The following CDH13 variants were observed in gnomAD, a reference collection of about 807,000 sequenced individuals.
The protein encoded by CDH13 is cadherin-13.
In CDH13, 24 loss-of-function variants were observed where a neutral mutation model predicts 63.8. The observed-to-expected ratio is 0.38, with a 90% confidence interval of 0.27 to 0.53. The LOEUF is 0.53. Ranked by LOEUF, CDH13 falls within the 20% of genes least tolerant of loss-of-function variation. The pLI, the probability that CDH13 is intolerant of heterozygous loss-of-function variation, is 0.85. For synonymous variants in CDH13, 503 were observed against 355.3 expected, an observed-to-expected ratio of 1.42 and a Z score of -4.67; for missense variants, 1,049 against 903.1, an observed-to-expected ratio of 1.16 and a Z score of -2.07.
intron 7 of CDH13, among the ~76,000 whole-genome samples, chr16:83,531,426 A>G (rs2151633149): frequency 6.6e-6 from 1 of 152,342 alleles, no homozygotes; most frequent in Non-Finnish European, 1.5e-5. Context: ...ACACAGCAAC[A>G]GAGACTTTGC....
intron 1 of CDH13, among the ~76,000 whole-genome samples, chr16:82,834,181 TTTC>T (rs2038665961): frequency 6.6e-6 from 1 of 152,210 alleles, no homozygotes; most frequent in African/African-American, 2.4e-5. Flanking sequence ...GGGAGATCCA[TTTC>T]TTCTCACCAG....
intron 1 of CDH13, among the ~76,000 whole-genome samples, chr16:82,673,456 T>A (rs1341825971): frequency 6.6e-6 from 1 of 152,142 alleles, no homozygotes; most frequent in African/African-American, 2.4e-5. Flanking sequence ...AACAAACGTT[T>A]ATTGAGCACT....
At chr16:82,633,032 G>A (rs1446670842) in intron 1 of CDH13, among the ~76,000 whole-genome samples, 8 of 152,268 alleles carry the variant, frequency 5.3e-5, no homozygotes, top group African/African-American at 1.4e-4. Flanking sequence ...GCGGTAATGC[G>A]AGTGCTGGGG....
intron 6 of CDH13, among the ~76,000 whole-genome samples, chr16:83,363,209 C>T (rs1036898795): frequency 2.6e-5 from 4 of 152,130 alleles, no homozygotes; most frequent in Non-Finnish European, 5.9e-5. Context: ...TGATTTTCCT[C>T]GTATTTCTAG....
At chr16:83,361,708 A>G (rs1023120120) in intron 6 of CDH13, among the ~76,000 whole-genome samples, 2 of 152,006 alleles carry the variant, frequency 1.3e-5, no homozygotes, top group African/African-American at 2.4e-5. Context: ...GCTTATTTGT[A>G]TCGGCTTTGT....
intron 4 of CDH13, among the ~76,000 whole-genome samples, chr16:83,173,251 C>G (rs558205189): frequency 1.3e-5 from 2 of 152,110 alleles, no homozygotes; most frequent in Admixed American, 1.3e-4. Context: ...TGAACTCAGG[C>G]AGTCTGACCC....
intron 1 of CDH13, among the ~76,000 whole-genome samples, chr16:82,710,185 A>T (rs1209101300): frequency 6.9e-6 from 1 of 144,770 alleles, no homozygotes; most frequent in Non-Finnish European, 1.5e-5. Context: ...TTTATAAATT[A>T]AATTTATTAT....
intron 2 of CDH13, among the ~76,000 whole-genome samples, chr16:82,903,416 T>C (rs966210342): frequency 6.6e-6 from 1 of 152,224 alleles, no homozygotes; most frequent in Non-Finnish European, 1.5e-5. Flanking sequence ...CGCAGTGGAC[T>C]TGCTCACACA....
chr16:82,791,579 G>A (rs977096431), intron 1 of CDH13, among the ~76,000 whole-genome samples: 1 of 152,174 alleles, frequency 6.6e-6, no homozygotes, highest in South Asian at 2.1e-4. Flanking sequence ...TAGGGCTTGA[G>A]CTGAGCTTTC....
At chr16:83,399,654 T>C (rs1189348776) in intron 6 of CDH13, among the ~76,000 whole-genome samples, 2 of 152,194 alleles carry the variant, frequency 1.3e-5, no homozygotes, top group Admixed American at 6.5e-5. Flanking sequence ...TAAAAGGCCA[T>C]GCAGCTTTCT....
chr16:82,892,921 C>T (rs2041130268), intron 2 of CDH13, among the ~76,000 whole-genome samples: 1 of 152,150 alleles, frequency 6.6e-6, no homozygotes, highest in Admixed American at 6.5e-5. Flanking sequence ...AATCCCTAAA[C>T]ACATTTTGAC....
intron 1 of CDH13, among the ~76,000 whole-genome samples, chr16:82,659,328 T>G (rs1001679005): frequency 8.5e-5 from 13 of 152,110 alleles, no homozygotes; most frequent in African/African-American, 3.1e-4. Context: ...CACACATGAA[T>G]AGGTATAGGT....
chr16:83,325,157 A>G (rs1209990108), intron 5 of CDH13, among the ~76,000 whole-genome samples: 1 of 152,210 alleles, frequency 6.6e-6, no homozygotes, highest in Non-Finnish European at 1.5e-5. Context: ...ATTCTTCTTT[A>G]ATCCCACTAA....
At chr16:82,853,443 C>T (rs2039572189) in intron 1 of CDH13, among the ~76,000 whole-genome samples, 1 of 152,312 alleles carries the variant, frequency 6.6e-6, no homozygotes, top group South Asian at 2.1e-4. Context: ...TGAGCAAGTA[C>T]TATGTACCAG....
intron 2 of CDH13, among the ~76,000 whole-genome samples, chr16:83,001,769 G>C (rs1912961415): frequency 6.6e-6 from 1 of 152,216 alleles, no homozygotes; most frequent in Non-Finnish European, 1.5e-5. Flanking sequence ...ATGTCAATGA[G>C]TCCTGTCCAG....
At chr16:83,547,639 T>A (rs984106383) in intron 7 of CDH13, among the ~76,000 whole-genome samples, 52 of 152,258 alleles carry the variant, frequency 3.4e-4, no homozygotes, top group Non-Finnish European at 1.8e-4. Flanking sequence ...ATCTTTCTTT[T>A]TTATGGCTGC....
chr16:83,045,833 A>G (rs1917732521), intron 3 of CDH13, among the ~76,000 whole-genome samples: 1 of 152,244 alleles, frequency 6.6e-6, no homozygotes, highest in Non-Finnish European at 1.5e-5. Context: ...CACCCAGCAC[A>G]TGGGATGATC....
chr16:83,573,444 C>T (rs376313584), intron 7 of CDH13, among the ~76,000 whole-genome samples: 18 of 152,166 alleles, frequency 1.2e-4, no homozygotes, highest in African/African-American at 4.3e-4. Flanking sequence ...AAGGAAACTA[C>T]TAGAGGAAGG....
rs1039269746 is a variant in CDH13 at position 83,372,756 on chromosome 16, A to C, written c.781+27750A>C. Among the ~76,000 whole-genome samples, 155 of 150,856 alleles carry C rather than the reference A, an allele frequency of 1.0e-3. 1 individual carries two copies. Among genetic ancestry groups the C allele is most frequent in the African/African-American group, 3.4e-3 (141 of 41,194 alleles). On this transcript the variant is annotated intron_variant, in intron 6 of 13. Coordinates refer to ENST00000567109, the MANE Select transcript of CDH13 (RefSeq NM_001257.5). ...ACAGAGCGAGACTCGGTCTAAAAAA[A>C]AAAAAAAAAAAAAAAAAGACAATGA...
Sources: gnomAD v4.1 joint callset for allele counts (sites outside exome capture counted in the v4.1 genomes callset) on GRCh38, gnomAD v4.1.1 for gene constraint, MANE v1.5 for transcripts, NCBI Gene and HGNC (gene_info 2026-07-23, HGNC 2026-07-21) for gene names.